Variants in R3HDM2 observed in about 807,000 individuals in gnomAD.
R3HDM2 encodes the protein R3H domain containing 2.
Under a neutral mutation model 124.5 loss-of-function variants are expected in R3HDM2, and 38 were observed. The observed-to-expected ratio is 0.31, with a 90% CI of 0.24 to 0.40. The LOEUF (loss-of-function observed/expected upper bound fraction) is 0.40. R3HDM2 is among the 10% of genes least tolerant of loss of function. R3HDM2 has a pLI of 1.00. For missense variants in R3HDM2, 869 were observed against 1,236.9 expected (o/e 0.70, Z 4.46); for synonymous variants, 391 against 448.0 (o/e 0.87, Z 1.61).
At chr12:57,396,516 C>T (rs1311506780) in intron 1 of R3HDM2, among the ~76,000 whole-genome samples, 10 of 151,472 alleles carry the variant, frequency 6.6e-5, no homozygotes, top group Admixed American at 5.3e-4. Flanking sequence ...CAGTGGCGCA[C>T]GCCTGTAATC....
In R3HDM2 at chr12:57,266,723, C is replaced by G. The variant is rs750131432; in HGVS notation, c.2131+8G>C. ...GTGCCCAAGACCCACAGTTCCTTAT[C>G]CTCTTACCTGAGTACTGCTGTGGCA... On this transcript the variant is annotated splice_region_variant and intron_variant, in intron 19 of 23. Coordinates refer to ENST00000402412, the MANE Select transcript of R3HDM2 (RefSeq NM_001394031.1). The G allele has an allele frequency of 2.8e-5, 43 of 1,561,684 alleles. No homozygotes were observed. The highest frequency in any genetic ancestry group is 3.8e-5 in the Non-Finnish European group (43 of 1,133,252).
chr12:57,390,373 G>T (rs1196926631), intron 2 of R3HDM2, among the ~76,000 whole-genome samples: 1 of 151,964 alleles, frequency 6.6e-6, no homozygotes, highest in Admixed American at 6.6e-5. Flanking sequence ...GGGGAACAAG[G>T]GCAGAGTCCA....
intron 2 of R3HDM2, among the ~76,000 whole-genome samples, chr12:57,378,347 T>C (rs563889147): frequency 1.9e-4 from 29 of 152,262 alleles, no homozygotes; most frequent in African/African-American, 6.7e-4. Context: ...AAGGATTTGC[T>C]TTCATGGATT....
intron 1 of R3HDM2, among the ~76,000 whole-genome samples, chr12:57,403,161 G>A (rs1328532520): frequency 6.6e-6 from 1 of 151,898 alleles, no homozygotes; most frequent in African/African-American, 2.4e-5. Context: ...TTCGAGACCA[G>A]TCTGACCAAC....
intron 1 of R3HDM2, among the ~76,000 whole-genome samples, chr12:57,429,802 A>C (rs7964492): frequency 0.19 from 27,895 of 150,662 alleles, 3,026 homozygotes; most frequent in Admixed American, 0.26. Context: ...ACAACAACAA[A>C]AAAAAGCATT....
chr12:57,276,172 T>C (rs1449267887), intron 14 of R3HDM2, among the ~76,000 whole-genome samples: 1 of 144,762 alleles, frequency 6.9e-6, no homozygotes, highest in Non-Finnish European at 1.5e-5. Flanking sequence ...ATCGTGCCAC[T>C]GCACTCCAGC....
At chr12:57,322,283 TTAAC>T (rs1385179939) in intron 2 of R3HDM2, among the ~76,000 whole-genome samples, 1 of 152,154 alleles carries the variant, frequency 6.6e-6, no homozygotes, top group Non-Finnish European at 1.5e-5. Context: ...TATACATTAT[TTAAC>T]TACACCAAAA....
intron 2 of R3HDM2, among the ~76,000 whole-genome samples, chr12:57,382,120 CT>C (rs892384639): frequency 5.3e-5 from 8 of 150,530 alleles, no homozygotes; most frequent in Admixed American, 2.7e-4. Flanking sequence ...TGCACCCAGA[CT>C]TTTTTTTTCT....
Position 57,254,655 on chromosome 12 carries a change from G to A in R3HDM2, c.*118C>T. ...GTTTCCATCTTCATCACTGTCTTAG[G>A]TTCCAGTTTAACATCAGTTTCCTTA... On this transcript the variant is annotated 3_prime_UTR_variant, in exon 24 of 24. Coordinates refer to ENST00000402412, the MANE Select transcript of R3HDM2 (RefSeq NM_001394031.1). 1.1e-6 allele frequency: 1 copy of A among 883,242 alleles called. No homozygotes were observed. The highest frequency in any genetic ancestry group is 2.6e-5 in the East Asian group (1 of 38,094). The allele number at this position is 883,242 out of a possible 1,614,324, so 54.7% of individuals were successfully genotyped here.
At chr12:57,278,704 G>A (rs1161261133) in intron 14 of R3HDM2, among the ~76,000 whole-genome samples, 1 of 152,112 alleles carries the variant, frequency 6.6e-6, no homozygotes, top group Non-Finnish European at 1.5e-5. Flanking sequence ...GGTAGATGGT[G>A]GTAGAACAAG....
chr12:57,260,263 CA>C (rs566868060), intron 19 of R3HDM2, among the ~76,000 whole-genome samples: 1,532 of 31,450 alleles, frequency 0.049, 21 homozygotes, highest in Admixed American at 0.059. Context: ...GACCCTGCCT[CA>C]AAAAAAAAAA....
chr12:57,272,622 T>TGGGGGGGGGGGGGGGGGGG (rs35275303), intron 14 of R3HDM2: 3 of 71,034 alleles, frequency 4.2e-5, no homozygotes, highest in African/African-American at 6.1e-5. Context: ...GGGGGTGGGG[T>TGGGGGGGGGGGGGGGGGGG]GGGGGGGGGG....
At chr12:57,265,491 T>C (rs2137250775) in intron 19 of R3HDM2, among the ~76,000 whole-genome samples, 1 of 147,874 alleles carries the variant, frequency 6.8e-6, no homozygotes, top group South Asian at 2.1e-4. Flanking sequence ...CAAAGGCATG[T>C]GAGTATAGTG....
At chr12:57,391,398 T>C (rs965417486) in intron 2 of R3HDM2, among the ~76,000 whole-genome samples, 1 of 152,158 alleles carries the variant, frequency 6.6e-6, no homozygotes, top group Non-Finnish European at 1.5e-5. Flanking sequence ...CTGTGTAATG[T>C]TTTTGAAATA....
Position 57,280,399 on chromosome 12 carries a change from G to A in R3HDM2, c.1303C>T (p.Pro435Ser). 1 of 1,614,118 alleles carries A rather than the reference G, an allele frequency of 6.2e-7. No homozygotes were observed. The highest frequency in any genetic ancestry group is 8.5e-7 in the Non-Finnish European group (1 of 1,179,976). Residue 435 changes from proline to serine, a missense_variant, in exon 14 of 24, where the codon CCT becomes TCT. Transcript: ENST00000402412. ...QQQLPALPPT[P>S]QQQPPLNNHM... ...TTATTCAAGGGTGGCTGTTGCTGAG[G>A]CGTGGGTGGGAGAGCAGGAAGTTGC... is the stretch of plus-strand genomic sequence containing the variant.
chr12:57,417,493 A>T (rs1429441537), intron 1 of R3HDM2, among the ~76,000 whole-genome samples: 1 of 152,216 alleles, frequency 6.6e-6, no homozygotes, highest in African/African-American at 2.4e-5. Flanking sequence ...TCACTGTGAA[A>T]TGGGAATAAT....
chr12:57,392,852 T>G (rs1594393096), intron 2 of R3HDM2, among the ~76,000 whole-genome samples: 1 of 150,486 alleles, frequency 6.6e-6, no homozygotes, highest in East Asian at 2.0e-4. Context: ...TCGCCCAGGC[T>G]GGAGTGCAGT....
intron 2 of R3HDM2, among the ~76,000 whole-genome samples, chr12:57,383,159 A>G (rs538107611): frequency 6.2e-4 from 94 of 152,108 alleles, no homozygotes; most frequent in African/African-American, 2.2e-3. Flanking sequence ...CCAGCCAAAA[A>G]AAATTTTTTT....
chr12:57,314,665 T>C (rs965964824), intron 2 of R3HDM2, among the ~76,000 whole-genome samples: 14 of 152,300 alleles, frequency 9.2e-5, no homozygotes, highest in African/African-American at 3.1e-4. Flanking sequence ...TCTTAATTGT[T>C]ACATAGTTGC....
Sources: gnomAD v4.1 joint callset for allele counts (sites outside exome capture counted in the v4.1 genomes callset) on GRCh38, gnomAD v4.1.1 for gene constraint, MANE v1.5 for transcripts, NCBI Gene and HGNC (gene_info 2026-07-23, HGNC 2026-07-21) for gene names.